Variants in SPINK8 observed in about 807,000 individuals in gnomAD.
SPINK8 encodes the protein serine peptidase inhibitor Kazal type 8 (putative), also known as serine protease inhibitor Kazal-type 8.
A neutral mutation model predicts 14.4 loss-of-function variants in SPINK8; 12 were observed. That is an observed-to-expected ratio of 0.83 (90% CI 0.53 to 1.35). The LOEUF (loss-of-function observed/expected upper bound fraction) is 1.35. SPINK8 is among the 40% of genes most tolerant of loss of function. The pLI is 0.00. For missense variants in SPINK8, 103 were observed against 117.0 expected (o/e 0.88, Z 0.55); for synonymous variants, 32 against 37.6 (o/e 0.85, Z 0.55).
intron 7 of SPINK8, among the ~76,000 whole-genome samples, chr3:48,308,616 G>T (rs923959889): frequency 6.6e-6 from 1 of 152,096 alleles, no homozygotes. Context: ...ATTCTTTTCT[G>T]GATCGCTCTG....
intron 3 of SPINK8, among the ~76,000 whole-genome samples, chr3:48,328,726 C>T (rs577571827): frequency 1.6e-4 from 24 of 152,258 alleles, no homozygotes; most frequent in Non-Finnish European, 2.9e-4. Flanking sequence ...CACTTGAGCC[C>T]AGGAGTTCGA....
rs143679676 is a variant in SPINK8 at position 48,328,803 on chromosome 3, C to T, written c.-14+350G>A. Among the ~76,000 whole-genome samples the T allele has an allele frequency of 3.9e-4, 60 of 152,230 alleles. 1 individual carries two copies. The East Asian group carries it at 0.011, about 28-fold the overall frequency. On this transcript the variant is annotated intron_variant, in intron 3 of 7. Transcript: ENST00000434006. ...CAGTCACTCAACAACATGTGTAAGT[C>T]AACAGGCAATAAGAAACAAGAAGGG...
chr3:48,328,794 T>C lies in SPINK8; in HGVS notation c.-14+359A>G, dbSNP rs901772301. Among the ~76,000 whole-genome samples the C allele has an allele frequency of 2.6e-5, 4 of 152,090 alleles. No individual in the cohort carries two copies. In the East Asian group the frequency reaches 5.8e-4, roughly 22 times the overall value. On this transcript the variant is annotated intron_variant, in intron 3 of 7. Coordinates refer to ENST00000434006, the MANE Select transcript of SPINK8 (RefSeq NM_001080525.3). ...TCTGAAGAGCAGTCACTCAACAACA[T>C]GTGTAAGTCAACAGGCAATAAGAAA...
intron 7 of SPINK8, among the ~76,000 whole-genome samples, chr3:48,309,553 T>A (rs1450244935): frequency 1.3e-5 from 2 of 152,222 alleles, no homozygotes; most frequent in Non-Finnish European, 2.9e-5. Context: ...TATTAGAAGA[T>A]GACAATGAAA....
At chr3:48,307,049 A>G (rs367897973) in intron 7 of SPINK8, 46 bp from the exon 8 acceptor site, 2 of 1,597,278 alleles carry the variant, frequency 1.3e-6, no homozygotes, top group Non-Finnish European at 1.7e-6. Context: ...TGAGGAAGTT[A>G]AGAGAAAAGC....
chr3:48,327,743 G>A (rs752208810), intron 4 of SPINK8, among the ~76,000 whole-genome samples: 16 of 152,170 alleles, frequency 1.1e-4, no homozygotes, highest in Non-Finnish European at 2.4e-4. Context: ...ACTCTCCTAA[G>A]ATGTGAGAGC....
chr3:48,333,227 A>G (rs1368068571), intron 1 of SPINK8, among the ~76,000 whole-genome samples: 3 of 152,158 alleles, frequency 2.0e-5, no homozygotes, highest in Non-Finnish European at 4.4e-5. Context: ...TATAATTTAT[A>G]CTTCCCTTGG....
intron 6 of SPINK8, among the ~76,000 whole-genome samples, chr3:48,312,281 A>C (rs1021482027): frequency 6.6e-6 from 1 of 152,232 alleles, no homozygotes; most frequent in African/African-American, 2.4e-5. Context: ...AAGGCCATTC[A>C]ATGGGGGAAG....
chr3:48,319,401 T>A (rs1171279204), intron 6 of SPINK8, 96 bp downstream of exon 6: 1 of 1,405,132 alleles, frequency 7.1e-7, no homozygotes, highest in East Asian at 2.3e-5. Context: ...GAAGGTCTCA[T>A]TGGATGATGT....
chr3:48,307,547 C>G (rs1487660661), intron 7 of SPINK8, among the ~76,000 whole-genome samples: 23 of 146,992 alleles, frequency 1.6e-4, no homozygotes, highest in Non-Finnish European at 2.6e-4. Context: ...CCCCACCCCC[C>G]CACCTCTTCT....
rs564759568 is a variant in SPINK8, at chr3:48,310,993, A to T, written c.240-1047T>A. 1.1e-4 allele frequency among the ~76,000 whole-genome samples: 16 copies of T among 152,280 alleles called. No individual in the cohort carries two copies. The South Asian group carries it at 3.3e-3, about 32-fold the overall frequency. On this transcript the variant is annotated intron_variant, in intron 6 of 7. Coordinates refer to ENST00000434006, the MANE Select transcript of SPINK8 (RefSeq NM_001080525.3). ...TACAGATGCAAAGATTCTCAGAAAA[A>T]TACCAACAAATTGAATACAACCACA...
At chr3:48,333,386 C>T (rs906348837) in intron 1 of SPINK8, among the ~76,000 whole-genome samples, 149 bp downstream of exon 1, 2 of 151,982 alleles carry the variant, frequency 1.3e-5, no homozygotes, top group Non-Finnish European at 2.9e-5. Context: ...GAGGGGGGAA[C>T]GTTTAAAAAG....
intron 7 of SPINK8, among the ~76,000 whole-genome samples, chr3:48,307,729 T>C (rs556797092): frequency 6.6e-6 from 1 of 152,192 alleles, no homozygotes; most frequent in Non-Finnish European, 1.5e-5. Context: ...TTCATTCAAG[T>C]GTACATCTCA....
At chr3:48,326,584 G>A (rs1200298902) in intron 4 of SPINK8, among the ~76,000 whole-genome samples, 1 of 151,334 alleles carries the variant, frequency 6.6e-6, no homozygotes, top group Non-Finnish European at 1.5e-5. Context: ...TCCATCCTGG[G>A]TGGCTGAGGG....
At chr3:48,330,121 CCA>C (rs2036231151) in intron 2 of SPINK8, among the ~76,000 whole-genome samples, 1 of 152,192 alleles carries the variant, frequency 6.6e-6, no homozygotes, top group African/African-American at 2.4e-5. Context: ...CTCTGATCAA[CCA>C]CAGTGTCTAC....
intron 6 of SPINK8, among the ~76,000 whole-genome samples, chr3:48,314,897 G>A (rs2035965870): frequency 6.6e-6 from 1 of 152,188 alleles, no homozygotes; most frequent in African/African-American, 2.4e-5. Flanking sequence ...GCTCAGAAAA[G>A]ACCAGAGAAA....
intron 6 of SPINK8, among the ~76,000 whole-genome samples, chr3:48,311,884 C>T (rs556037693): frequency 1.1e-4 from 16 of 152,024 alleles, no homozygotes; most frequent in Non-Finnish European, 2.2e-4. Flanking sequence ...AATAGAAAAG[C>T]CAATCTTGAA....
At chr3:48,331,562 C>T (rs1007969122) in intron 2 of SPINK8, among the ~76,000 whole-genome samples, 14 of 152,124 alleles carry the variant, frequency 9.2e-5, no homozygotes, top group African/African-American at 3.4e-4. Context: ...CATATTGCTG[C>T]GTGGGCATGG....
Position 48,319,573 on chromosome 3 carries a change from T to G in SPINK8, c.163A>C (p.Ile55Leu), listed in dbSNP as rs772536194. ...CCACAAATAGGTTCACTGGGCTTGATGTAGGATAAAAACCAGCACTTATTT... is the reference window on the plus strand; with the variant it reads ...CCACAAATAGGTTCACTGGGCTTGAGGTAGGATAAAAACCAGCACTTATTT... ...NVNKCWFLSYIKPSEPICGSD... is the reference protein window; with the variant it reads ...NVNKCWFLSYLKPSEPICGSD... Residue 55 changes from isoleucine (I) to leucine (L), a missense_variant, in exon 6 of 8, where the codon ATC becomes CTC. Transcript: ENST00000434006. 6 of 1,613,992 alleles carry G rather than the reference T, an allele frequency of 3.7e-6. No homozygotes were observed. The highest frequency in any genetic ancestry group is 1.3e-5 in the African/African-American group (1 of 75,050).
Sources: allele counts gnomAD v4.1 joint callset (sites outside exome capture counted in the v4.1 genomes callset), GRCh38; gene constraint gnomAD v4.1.1; transcripts MANE v1.5; gene names NCBI Gene and HGNC (gene_info 2026-07-23, HGNC 2026-07-21).